Variants in IRX6 observed in about 807,000 individuals in gnomAD.
IRX6 encodes iroquois homeobox 6.
A neutral mutation model predicts 47.7 loss-of-function variants in IRX6; 46 were observed. The ratio of observed to expected loss-of-function variants is 0.96; its 90% CI spans 0.76 to 1.23. IRX6 has a LOEUF of 1.23. Among genes scored for constraint, IRX6 ranks in the 50% most tolerant of loss-of-function variants. IRX6 has a pLI of 0.00. For missense variants in IRX6, 722 were observed against 588.0 expected (o/e 1.23, Z -2.36); for synonymous variants, 265 against 246.2 (o/e 1.08, Z -0.72).
Position 55,327,311 on chromosome 16 carries a change from T to A in IRX6, c.319T>A (p.Phe107Ile). 1 of 1,613,432 alleles carries A rather than the reference T, an allele frequency of 6.2e-7. No individual in the cohort carries two copies. The highest frequency in any genetic ancestry group is 1.1e-5 in the South Asian group (1 of 91,056). ...CTCCCTCTAGAATCCACAGTATGAA[T>A]TTAAGGAGGCTGCAGGGAGTTTTAC... ...LYGALNPQYE[F>I]KEAAGSFTSS... Residue 107 changes from phenylalanine to isoleucine, a missense_variant, in exon 3 of 6, where the codon TTT becomes ATT. By Grantham distance (21) the Phe-to-Ile change is conservative (BLOSUM62 0). Transcript: ENST00000290552.
intron 2 of IRX6, chr16:55,326,965 GT>G (rs56774048): frequency 0.073 from 7,205 of 98,990 alleles, 936 homozygotes; most frequent in East Asian, 0.18. Context: ...GGGGCGGGGG[GT>G]GGGGGGCAGT....
In IRX6 at chr16:55,324,289, C is replaced by G. The variant is rs1330772101; in HGVS notation, c.-803C>G. 6.8e-6 allele frequency: 1 copy of G among 146,802 alleles called. No individual in the cohort carries two copies. Among genetic ancestry groups the G allele is most frequent in the Non-Finnish European group, 1.5e-5 (1 of 66,776 alleles). The allele number at this position is 146,802 out of a possible 1,614,324, so 9.1% of individuals were successfully genotyped here. A position where few individuals can be genotyped will look rare whatever the true frequency, so the allele number is the denominator to read the frequency against. Reference sequence around the variant, plus strand: ...CCTCTGTTCACTCAGACTCCTGTCTCCCCTCTCCCCTCCTCCTTCTCCCTC... The same window carrying G: ...CCTCTGTTCACTCAGACTCCTGTCTGCCCTCTCCCCTCCTCCTTCTCCCTC... On this transcript the variant is annotated 5_prime_UTR_variant, in exon 1 of 6. Transcript: ENST00000290552. This position sits in a 1 kb window ranked among gnomAD's most constrained non-coding sequence, Gnocchi z 4.4.
chr16:55,327,390 A>T lies in IRX6; in HGVS notation c.398A>T (p.Gln133Leu). The T allele has an allele frequency of 6.2e-7, 1 of 1,613,130 alleles. No homozygotes were observed. The highest frequency in any genetic ancestry group is 8.5e-7 in the Non-Finnish European group (1 of 1,179,136). ...TATCCCTATGAGCGGACTCTGGGGC[A>T]GTACCAATATGAACGGTAAGGAGTG... ...AYYPYERTLG[Q>L]YQYERYGAVE... Residue 133 changes from glutamine to leucine, a missense_variant, in exon 3 of 6, where the codon CAG (glutamine) becomes CTG (leucine). Coordinates refer to ENST00000290552, the MANE Select transcript of IRX6 (RefSeq NM_024335.3).
At chr16:55,326,296 G>GGGGGGGGGGGGGGGGT (rs1555483998) in intron 1 of IRX6, 40 bp from the exon 2 acceptor site, 4 of 1,471,942 alleles carry the variant, frequency 2.7e-6, no homozygotes, top group Admixed American at 3.9e-5. Context: ...GGTGGGGGGG[G>GGGGGGGGGGGGGGGGT]GGTCTCTGAC....
chr16:55,324,630 G>C lies in IRX6; in HGVS notation c.-462G>C, dbSNP rs955934532. On this transcript the variant is annotated 5_prime_UTR_variant, in exon 1 of 6. Coordinates refer to ENST00000290552, the MANE Select transcript of IRX6 (RefSeq NM_024335.3). This position sits in a 1 kb window ranked among gnomAD's most constrained non-coding sequence, Gnocchi z 4.4. ...AGCAAGTGTGAGTGTGGGTGAGAGT[G>C]CGCGCGCGCGCACGGGCTGGCTGCG... 12 of 186,952 alleles carry C rather than the reference G, an allele frequency of 6.4e-5. No individual in the cohort carries two copies. The highest frequency in any genetic ancestry group is 2.6e-4 in the African/African-American group (11 of 41,534). 11.6% of individuals were successfully genotyped at this position (186,952 alleles called of 1,614,324 possible). A position where few individuals can be genotyped will look rare whatever the true frequency, so the allele number is the denominator to read the frequency against.
intron 5 of IRX6, 81 bp from the exon 6 acceptor site, chr16:55,330,217 A>G: frequency 1.5e-6 from 2 of 1,319,764 alleles, no homozygotes; most frequent in South Asian, 2.4e-5. Context: ...TTGCCTTCAG[A>G]AGAGACATGG....
chr16:55,328,022 T>C, intron 4 of IRX6, 129 bp downstream of exon 4: 3 of 850,478 alleles, frequency 3.5e-6, no homozygotes, highest in South Asian at 3.7e-5. Flanking sequence ...CTTCCCTGCC[T>C]GTCTCAGAGC....
At chr16:55,327,020 C>A in intron 2 of IRX6, 1 of 411,668 alleles carries the variant, frequency 2.4e-6, no homozygotes, top group Non-Finnish European at 4.3e-6. Flanking sequence ...GTAATAACAG[C>A]AGCTAATATT....
chr16:55,329,400 C>T, intron 5 of IRX6, 89 bp downstream of exon 5: 1 of 1,473,550 alleles, frequency 6.8e-7, no homozygotes, highest in Non-Finnish European at 9.0e-7. Context: ...TCTGCCATTC[C>T]AGTCTGCCCA....
At chr16:55,327,024 T>A (rs2142268447) in intron 2 of IRX6, 1 of 403,476 alleles carries the variant, frequency 2.5e-6, no homozygotes, top group East Asian at 4.4e-5. Flanking sequence ...TAACAGCAGC[T>A]AATATTTAAC....
chr16:55,329,366 G>T (rs574128020), intron 5 of IRX6, 55 bp downstream of exon 5: 10 of 1,527,426 alleles, frequency 6.5e-6, no homozygotes, highest in Non-Finnish European at 7.9e-6. Context: ...CCCACCTACC[G>T]CCCCGCCCGG....
intron 1 of IRX6, among the ~76,000 whole-genome samples, chr16:55,325,521 AGGAAGGAAGGAGAG>A (rs1404330772): frequency 3.1e-5 from 1 of 32,508 alleles, no homozygotes; most frequent in African/African-American, 1.9e-4. Context: ...GAAGGAAGGA[AGGAAGGAAGGAGAG>A]AGAGAGAGAG....
rs1290937207 is a variant in IRX6 at position 55,326,610 on chromosome 16, A to G, written c.303+17A>G. Reference sequence around the variant, plus strand: ...GGGGCACTGGTGAGTACAGGGGTGGAGTCCCAGGGGAGTGAGCAGTAGAGA... The same window carrying G: ...GGGGCACTGGTGAGTACAGGGGTGGGGTCCCAGGGGAGTGAGCAGTAGAGA... On this transcript the variant is annotated intron_variant, in intron 2 of 5. Transcript: ENST00000290552. 6.7e-6 allele frequency: 10 copies of G among 1,500,892 alleles called. No homozygotes were observed. Among genetic ancestry groups the G allele is most frequent in the Non-Finnish European group, 8.9e-6 (10 of 1,119,820 alleles). The allele number at this position is 1,500,892 out of a possible 1,614,324, so 93.0% of individuals were successfully genotyped here.
Position 55,326,478 on chromosome 16 carries a change from A to T in IRX6, c.188A>T (p.Glu63Val). ...DSRLLGSARPELGAALGIYGA... is the reference protein window; with the variant it reads ...DSRLLGSARPVLGAALGIYGA... ...CGACTGCTGGGCAGTGCGCGACCGG[A>T]GCTGGGCGCCGCCTTGGGCATCTAT... Residue 63 changes from glutamate to valine, a missense_variant, in exon 2 of 6, where the codon GAG becomes GTG. By Grantham distance (121) the Glu-to-Val change is moderately radical. Transcript: ENST00000290552. 6.2e-7 allele frequency: 1 copy of T among 1,613,290 alleles called. No homozygotes were observed. Among genetic ancestry groups the T allele is most frequent in the Non-Finnish European group, 8.5e-7 (1 of 1,179,900 alleles).
intron 1 of IRX6, among the ~76,000 whole-genome samples, chr16:55,325,580 AAAGAAG>A (rs1325634539): frequency 1.4e-5 from 2 of 142,242 alleles, no homozygotes; most frequent in Non-Finnish European, 3.1e-5. Flanking sequence ...AGAAAGAAAG[AAAGAAG>A]GAAAGAAAGA....
rs1486342511 is a variant in IRX6 at position 55,327,849 on chromosome 16, G to C, written c.677G>C (p.Gly226Ala). ...GGTGGGGAGGAGAGGAAGGCAGAGG[G>C]AGGAGAGGAGGACTCACTAGGCTGC... is the stretch of plus-strand genomic sequence containing the variant. The part of the protein sequence containing the change: ...NKGGEERKAE[G>A]GEEDSLGCLT... Residue 226 changes from glycine to alanine, a missense_variant, in exon 4 of 6, where the codon GGA becomes GCA. Gly to Ala is a moderately conservative substitution (Grantham distance 60, BLOSUM62 0). Transcript: ENST00000290552. The C allele has an allele frequency of 1.2e-6, 2 of 1,612,546 alleles. No individual in the cohort carries two copies. The highest frequency in any genetic ancestry group is 2.2e-5 in the East Asian group (1 of 44,844).
rs1269276403 is a variant in IRX6, at chr16:55,325,448, G to GAGAA, written c.45+326_45+329dup. Among the ~76,000 whole-genome samples, 34 of 144,528 alleles carry GAGAA rather than the reference G, an allele frequency of 2.4e-4. No individual in the cohort carries two copies. The East Asian group carries it at 6.7e-3, about 28-fold the overall frequency. The allele number at this position is 144,528 out of a possible 152,430, so 94.8% of individuals were successfully genotyped here. On this transcript the variant is annotated intron_variant, in intron 1 of 5. Coordinates refer to ENST00000290552, the MANE Select transcript of IRX6 (RefSeq NM_024335.3). ...ATACAGAAGTCTGAGGTGGCCGGGA[G>GAGAA]AGAAAGAAAGAAAGAAAAGAAAGAA...
rs754694428 is a variant in IRX6 at position 55,326,563 on chromosome 16, C to G, written c.273C>G (p.Ser91Arg). 5 of 1,567,250 alleles carry G rather than the reference C, an allele frequency of 3.2e-6. No individual in the cohort carries two copies. The African/African-American group carries it at 6.8e-5, about 21-fold the overall frequency. The change falls in exon 2 of 6, where the codon AGC becomes AGG. Residue 91 changes from serine to arginine, a missense_variant. Physicochemically the swap from Ser to Arg is moderately radical, Grantham distance 110 (BLOSUM62 -1). Transcript: ENST00000290552. ...GCTACCCTGGCTACCTGCCCTATAGCCCAGAGCCCCCCTCACTGTATGGGG... is the reference window on the plus strand; with the variant it reads ...GCTACCCTGGCTACCTGCCCTATAGGCCAGAGCCCCCCTCACTGTATGGGG... ...AQSYPGYLPY[S>R]PEPPSLYGAL...
At position 55,330,412 on chromosome 16, in the gene IRX6, C is replaced by G; in HGVS notation, c.*107C>G. ...CCTTGCCAGGGACCAGGAGCTCTCA[C>G]TTTGCCTAAGAGACAGACACACAGA... is the stretch of plus-strand genomic sequence containing the variant. On this transcript the variant is annotated 3_prime_UTR_variant, in exon 6 of 6. Transcript: ENST00000290552. 1 of 1,128,918 alleles carries G rather than the reference C, an allele frequency of 8.9e-7. No individual in the cohort carries two copies. Among genetic ancestry groups the G allele is most frequent in the Non-Finnish European group, 1.4e-6 (1 of 739,098 alleles). 69.9% of individuals were successfully genotyped at this position (1,128,918 alleles called of 1,614,324 possible). A position where few individuals can be genotyped will look rare whatever the true frequency, so the allele number is the denominator to read the frequency against.
Sources: gnomAD v4.1 joint callset for allele counts (sites outside exome capture counted in the v4.1 genomes callset) on GRCh38, gnomAD v4.1.1 for gene constraint, Gnocchi (gnomAD v3.1) non-coding constraint, MANE v1.5 for transcripts, NCBI Gene and HGNC (gene_info 2026-07-23, HGNC 2026-07-21) for gene names.